The following OSBPL2 variants were observed in gnomAD, a reference collection of about 807,000 sequenced individuals.
OSBPL2 encodes the protein oxysterol binding protein like 2, also known as oxysterol-binding protein-related protein 2.
A neutral mutation model predicts 58.4 loss-of-function variants in OSBPL2; 18 were observed. The observed-to-expected ratio is 0.31, with a 90% CI of 0.21 to 0.46. OSBPL2 has a LOEUF of 0.46. OSBPL2 is among the 20% of genes least tolerant of loss of function. The pLI is 1.00. For synonymous variants in OSBPL2, 221 were observed against 234.1 expected (o/e 0.94, Z 0.51); for missense variants, 461 against 616.5 (o/e 0.75, Z 2.67).
rs1489945400 is a variant in OSBPL2, at chr20:62,288,429, G to A, written c.1126-778G>A. Reference sequence around the variant, plus strand: ...AGGCTGTGGGTGCAGAGGCTGGGAGGCTATGGGTGCAGAGGCTGGGAGGCT... The same window carrying A: ...AGGCTGTGGGTGCAGAGGCTGGGAGACTATGGGTGCAGAGGCTGGGAGGCT... On this transcript the variant is annotated intron_variant, in intron 11 of 13. Coordinates refer to ENST00000313733, the MANE Select transcript of OSBPL2 (RefSeq NM_144498.4). The surrounding 1 kb of genome is among the most constrained non-coding windows in gnomAD (Gnocchi z 4.8). Among the ~76,000 whole-genome samples, 30 of 146,726 alleles carry A rather than the reference G, an allele frequency of 2.0e-4. 1 individual carries two copies. The highest frequency in any genetic ancestry group is 2.0e-3 in the Admixed American group (29 of 14,756).
At chr20:62,259,925 G>A in intron 2 of OSBPL2, 56 bp from the exon 3 acceptor site, 2 of 1,554,504 alleles carry the variant, frequency 1.3e-6, no homozygotes, top group Non-Finnish European at 1.8e-6. Context: ...TTGGAGGTAG[G>A]CTTTTAAAAA....
Position 62,263,627 on chromosome 20 carries a change from C to T in OSBPL2, c.194C>T (p.Pro65Leu), listed in dbSNP as rs756840696. ...TTTGTGCTTCGCAGGACATCGCTGCCGGCTCCCATGTTCAGCAGAAGCGAC... is the reference window on the plus strand; with the variant it reads ...TTTGTGCTTCGCAGGACATCGCTGCTGGCTCCCATGTTCAGCAGAAGCGAC... ...NGIQKHRTSL[P>L]APMFSRSDFS... Residue 65 changes from proline to leucine, a missense_variant, in exon 4 of 14, where the codon CCG becomes CTG. By Grantham distance (98) the Pro-to-Leu change is moderately conservative (BLOSUM62 -3). Around this residue, in one of 5 missense-constraint regions of OSBPL2, gnomAD observed 38 missense variants for 74.2 expected, o/e 0.51. Coordinates refer to ENST00000313733, the MANE Select transcript of OSBPL2 (RefSeq NM_144498.4). 5 of 1,614,124 alleles carry T rather than the reference C, an allele frequency of 3.1e-6. No individual in the cohort carries two copies. Among genetic ancestry groups the T allele is most frequent in the South Asian group, 1.1e-5 (1 of 91,084 alleles).
intron 1 of OSBPL2, among the ~76,000 whole-genome samples, chr20:62,241,034 G>A (rs1430677070): frequency 6.6e-6 from 1 of 152,186 alleles, no homozygotes; most frequent in East Asian, 1.9e-4. Flanking sequence ...CACGCCTCGA[G>A]TGCGTTGAGA....
At chr20:62,276,192 C>G (rs1482740043) in intron 6 of OSBPL2, among the ~76,000 whole-genome samples, 1 of 152,230 alleles carries the variant, frequency 6.6e-6, no homozygotes, top group Non-Finnish European at 1.5e-5. Flanking sequence ...GCTGGGATTA[C>G]AGGCGTGAGC....
rs1460480597 is a variant in OSBPL2 at position 62,288,242 on chromosome 20, T to C, written c.1126-965T>C. On this transcript the variant is annotated intron_variant, in intron 11 of 13. Coordinates refer to ENST00000313733, the MANE Select transcript of OSBPL2 (RefSeq NM_144498.4). The surrounding 1 kb of genome is among the most constrained non-coding windows in gnomAD (Gnocchi z 4.8). ...GGGGGTGACGGGTGCTGTTGATGTT[T>C]CCTGTGGCCTTTCTGGCTGCTTGCT... 6.6e-6 allele frequency among the ~76,000 whole-genome samples: 1 copy of C among 152,158 alleles called. No homozygotes were observed. Among genetic ancestry groups the C allele is most frequent in the African/African-American group, 2.4e-5 (1 of 41,428 alleles).
rs1322733367 is a variant in OSBPL2 at position 62,279,231 on chromosome 20, G to A, written c.566G>A (p.Gly189Asp). 2 of 1,614,080 alleles carry A rather than the reference G, an allele frequency of 1.2e-6. No individual in the cohort carries two copies. The highest frequency in any genetic ancestry group is 1.3e-5 in the African/African-American group (1 of 74,922). The change falls in exon 7 of 14, where the codon GGT (glycine) becomes GAT (aspartate). Residue 189 changes from glycine to aspartate, a missense_variant. Gly to Asp is a moderately conservative substitution (Grantham distance 94). Transcript: ENST00000313733. Reference sequence around the variant, plus strand: ...CCCATCAGTGCGTTCCACTCGGAAGGTCTCAACCATGACTTCCTGTTCCAT... The same window carrying A: ...CCCATCAGTGCGTTCCACTCGGAAGATCTCAACCATGACTTCCTGTTCCAT... The part of the protein sequence containing the change: ...HPPISAFHSE[G>D]LNHDFLFHGS...
intron 4 of OSBPL2, among the ~76,000 whole-genome samples, chr20:62,267,895 A>ATTTT (rs780526581): frequency 0.021 from 3,199 of 151,142 alleles, 107 homozygotes; most frequent in African/African-American, 0.071. Flanking sequence ...TTATTTATTT[A>ATTTT]TTTTTTTGAG....
chr20:62,263,600 C>T lies in OSBPL2; in HGVS notation c.183-16C>T, dbSNP rs186976712. The T allele has an allele frequency of 6.2e-7, 1 of 1,612,710 alleles. No homozygotes were observed. The highest frequency in any genetic ancestry group is 2.2e-5 in the East Asian group (1 of 44,836). On this transcript the variant is annotated splice_polypyrimidine_tract_variant and intron_variant, in intron 3 of 13. Transcript: ENST00000313733. ...GTGTTGAATTCACCCACACGCACCC[C>T]TTTTGTGCTTCGCAGGACATCGCTG...
intron 9 of OSBPL2, among the ~76,000 whole-genome samples, chr20:62,282,673 G>GA (rs1568849274): frequency 6.6e-6 from 1 of 152,096 alleles, no homozygotes; most frequent in Admixed American, 6.5e-5. Context: ...CTAAAAATAC[G>GA]AAAATTAGCC....
rs1451162164 is a variant in OSBPL2, at chr20:62,291,771, G to A, written c.1318G>A (p.Glu440Lys). 1.2e-6 allele frequency: 2 copies of A among 1,613,242 alleles called. No homozygotes were observed. Among genetic ancestry groups the A allele is most frequent in the Admixed American group, 1.7e-5 (1 of 60,008 alleles). ...QREARRERAKEEAEWQTRWFY... is the reference protein window; with the variant it reads ...QREARRERAKKEAEWQTRWFY... ...AGAAGCACGGAGGGAGCGGGCCAAG[G>A]AGGAGGCAGAGTGGCAGACGAGGTG... The change falls in exon 13 of 14, where the codon GAG becomes AAG. Residue 440 changes from glutamate (E) to lysine (K), a missense_variant. This residue lies in a region of OSBPL2 where 319 missense variants were observed against 419.2 expected (regional missense o/e 0.76). Coordinates refer to ENST00000313733, the MANE Select transcript of OSBPL2 (RefSeq NM_144498.4).
chr20:62,274,288 GC>G (rs1399304918), intron 6 of OSBPL2, among the ~76,000 whole-genome samples: 1 of 152,342 alleles, frequency 6.6e-6, no homozygotes, highest in East Asian at 1.9e-4. Context: ...CCAGACCATG[GC>G]ATGTATGTGG....
At chr20:62,289,647 T>C (rs1316403781) in intron 12 of OSBPL2, among the ~76,000 whole-genome samples, 1 of 152,224 alleles carries the variant, frequency 6.6e-6, no homozygotes, top group Non-Finnish European at 1.5e-5. Context: ...CTCACGCCTA[T>C]AACCCCAGCA....
intron 3 of OSBPL2, among the ~76,000 whole-genome samples, chr20:62,260,742 C>T (rs929084605): frequency 1.3e-5 from 2 of 152,144 alleles, no homozygotes; most frequent in African/African-American, 4.8e-5. Flanking sequence ...AATCCCAGCA[C>T]TTTGGGAGGC....
intron 6 of OSBPL2, chr20:62,278,600 G>T (rs1320242989): frequency 6.3e-6 from 1 of 159,238 alleles, no homozygotes; most frequent in Non-Finnish European, 1.2e-5. Flanking sequence ...TCATGTTTGT[G>T]TGTGTGTCTG....
chr20:62,245,100 CTTT>C (rs398040809), intron 1 of OSBPL2, among the ~76,000 whole-genome samples: 3 of 143,600 alleles, frequency 2.1e-5, no homozygotes. Context: ...GAAATCTGTT[CTTT>C]TTTTTTTTTT....
chr20:62,250,544 T>G (rs1382037605), intron 1 of OSBPL2, among the ~76,000 whole-genome samples: 2 of 152,220 alleles, frequency 1.3e-5, no homozygotes, highest in Non-Finnish European at 2.9e-5. Flanking sequence ...GGCATCTTAA[T>G]CCTCATTTTA....
intron 6 of OSBPL2, among the ~76,000 whole-genome samples, chr20:62,276,720 T>C (rs558746520): frequency 3.9e-5 from 6 of 152,302 alleles, no homozygotes; most frequent in Non-Finnish European, 8.8e-5. Context: ...CTGCTTCTGC[T>C]TCTGGGAAAG....
At chr20:62,251,865 C>CTT (rs147891445) in intron 1 of OSBPL2, among the ~76,000 whole-genome samples, 820 of 41,730 alleles carry the variant, frequency 0.02, 185 homozygotes, top group Non-Finnish European at 0.023. Flanking sequence ...ATTGGTATGC[C>CTT]TTTTTTTTTT....
chr20:62,247,669 C>CTT (rs768433967), intron 1 of OSBPL2, among the ~76,000 whole-genome samples: 2 of 141,072 alleles, frequency 1.4e-5, no homozygotes, highest in Non-Finnish European at 3.1e-5. Context: ...TTCTTTCTTT[C>CTT]TTTTTTTTTT....
Sources: gnomAD v4.1 joint callset for allele counts (sites outside exome capture counted in the v4.1 genomes callset) on GRCh38, gnomAD v4.1.1 for gene constraint, gnomAD v4.1.1 regional missense constraint, Gnocchi (gnomAD v3.1) non-coding constraint, MANE v1.5 for transcripts, NCBI Gene and HGNC (gene_info 2026-07-23, HGNC 2026-07-21) for gene names.